IL5: variants seen among roughly 807,000 people sequenced by gnomAD.
IL5 encodes interleukin-5.
A neutral mutation model predicts 16.3 loss-of-function variants in IL5; 12 were observed. The ratio of observed to expected loss-of-function variants is 0.74; its 90% confidence interval spans 0.47 to 1.20. The LOEUF (loss-of-function observed/expected upper bound fraction) is 1.20. IL5 is among the 50% of genes most tolerant of loss of function. The pLI is 0.00. For synonymous variants in IL5, 54 were observed against 56.6 expected (o/e 0.95, Z 0.21); for missense variants, 159 against 153.9 (o/e 1.03, Z -0.17).
chr5:132,549,875 A>C (rs1016617971), intron 1 of IL5, among the ~76,000 whole-genome samples: 9 of 152,150 alleles, frequency 5.9e-5, no homozygotes, highest in African/African-American at 2.2e-4. Context: ...ATCTCCCTTT[A>C]ATATGATTTT....
At chr5:132,544,440 G>T (rs1219314572), upstream of IL5, among the ~76,000 whole-genome samples, 1 of 152,196 alleles carries the variant, frequency 6.6e-6, no homozygotes, top group East Asian at 1.9e-4. Flanking sequence ...GGTCCCAGTA[G>T]TAAGGGGGAC....
At chr5:132,546,403 G>C (rs1201883512), upstream of IL5, among the ~76,000 whole-genome samples, 1 of 152,016 alleles carries the variant, frequency 6.6e-6, no homozygotes, top group Non-Finnish European at 1.5e-5. Flanking sequence ...ACAGTACTTG[G>C]CTTTTTGTGA....
intron 1 of IL5, among the ~76,000 whole-genome samples, chr5:132,551,551 T>C (rs1749882964): frequency 7.2e-6 from 1 of 138,396 alleles, no homozygotes; most frequent in Non-Finnish European, 1.5e-5. Flanking sequence ...TGTGTGTGTG[T>C]GCGTGCATGC....
chr5:132,551,150 G>T (rs915160956), intron 1 of IL5, among the ~76,000 whole-genome samples: 3 of 152,118 alleles, frequency 2.0e-5, no homozygotes, highest in Admixed American at 6.5e-5. Flanking sequence ...TACAAAGCAG[G>T]AAAGGAGACA....
intron 1 of IL5, among the ~76,000 whole-genome samples, chr5:132,553,107 G>A (rs762589376): frequency 6.6e-6 from 1 of 152,074 alleles, no homozygotes; most frequent in Non-Finnish European, 1.5e-5. Flanking sequence ...ATTCCATTGG[G>A]GTGGTATGTA....
upstream of IL5, chr5:132,543,952 G>C (rs1311207857): frequency 6.6e-6 from 1 of 152,630 alleles, no homozygotes; most frequent in African/African-American, 2.4e-5. Flanking sequence ...AATACTGGTG[G>C]GAAGACAGTG....
chr5:132,544,785 G>A (rs1749757645), upstream of IL5, among the ~76,000 whole-genome samples: 1 of 152,200 alleles, frequency 6.6e-6, no homozygotes, highest in South Asian at 2.1e-4. Context: ...GGCCTGTCTT[G>A]AGCGTCAAGA....
At chr5:132,552,977 G>A (rs114068984) in intron 1 of IL5, among the ~76,000 whole-genome samples, 1,874 of 152,026 alleles carry the variant, frequency 0.012, 26 homozygotes, top group Non-Finnish European at 0.02. Flanking sequence ...CTCATGATCC[G>A]CCTGCCTCAG....
At chr5:132,552,153 C>A (rs1216563920) in intron 1 of IL5, among the ~76,000 whole-genome samples, 1 of 152,030 alleles carries the variant, frequency 6.6e-6, no homozygotes. Context: ...CCTGTAGTCC[C>A]AGCTACTCAG....
rs142865560 is a variant in IL5 at position 132,541,904 on chromosome 5, C to T, written c.312G>A (p.Lys104=). Residue 104 remains lysine (K), a synonymous_variant, in exon 4 of 4, where the codon AAG becomes AAA. Transcript: ENST00000231454. ...TTACTCTCCGTCTTTCTTCTCCACA[C>T]TTTTTCTGTGAAAAAAGAAAAATGA... The part of the protein sequence containing the change: ...IKKYIDGQKK[K]CGEERRRVNQ... 444 of 1,613,556 alleles carry T rather than the reference C, an allele frequency of 2.8e-4. 4 individuals carry two copies. In the African/African-American group the frequency reaches 5.6e-3, roughly 20 times the overall value.
intron 1 of IL5, among the ~76,000 whole-genome samples, chr5:132,553,292 A>T (rs1462622276): frequency 6.6e-6 from 1 of 152,094 alleles, no homozygotes; most frequent in African/African-American, 2.4e-5. Flanking sequence ...TAATCCTTGT[A>T]ATTCCTGTGA....
upstream of IL5, among the ~76,000 whole-genome samples, chr5:132,547,197 G>T (rs1172601789): frequency 1.3e-5 from 2 of 152,136 alleles, no homozygotes; most frequent in African/African-American, 4.8e-5. Flanking sequence ...TTAAAAAAGA[G>T]AACTGTATGG....
chr5:132,556,769 T>C (rs1749994254), exon 1 of IL5: 2 of 1,198,840 alleles, frequency 1.7e-6, no homozygotes, highest in African/African-American at 1.6e-5. Flanking sequence ...CAGGTCTTGG[T>C]CTCCCCTTCC....
upstream of IL5, among the ~76,000 whole-genome samples, chr5:132,544,276 T>C (rs1298236504): frequency 6.6e-6 from 1 of 152,210 alleles, no homozygotes; most frequent in African/African-American, 2.4e-5. Context: ...CTTTTCTGAT[T>C]GTTTAATCAA....
intron 1 of IL5, 95 bp downstream of exon 1, chr5:132,543,240 T>C: frequency 7.1e-7 from 1 of 1,410,298 alleles, no homozygotes; most frequent in South Asian, 1.2e-5. Flanking sequence ...CTCAGAATCT[T>C]ATTATTTATA....
chr5:132,546,442 A>G (rs78071110), upstream of IL5, among the ~76,000 whole-genome samples: 42 of 152,262 alleles, frequency 2.8e-4, no homozygotes, highest in East Asian at 3.7e-3. Context: ...CATAATGTCT[A>G]TTCTCAAGAT....
intron 1 of IL5, 25 bp from the exon 2 acceptor site, chr5:132,543,151 AT>A: frequency 6.3e-7 from 1 of 1,599,640 alleles, no homozygotes; most frequent in Non-Finnish European, 8.6e-7. Flanking sequence ...AAATACAATC[AT>A]TTTTACAGCA....
chr5:132,543,297 T>C (rs759343155), intron 1 of IL5, 38 bp downstream of exon 1: 4 of 1,566,668 alleles, frequency 2.6e-6, no homozygotes, highest in Non-Finnish European at 3.5e-6. Context: ...TGATTACCTA[T>C]GCACTTTACA....
At chr5:132,543,052 C>G in intron 2 of IL5, 42 bp downstream of exon 2, 1 of 1,396,012 alleles carries the variant, frequency 7.2e-7, no homozygotes, top group Non-Finnish European at 1.0e-6. Flanking sequence ...AGGAAATTTA[C>G]TTATTCATGC....
Sources: allele counts gnomAD v4.1 joint callset (sites outside exome capture counted in the v4.1 genomes callset), GRCh38; gene constraint gnomAD v4.1.1; transcripts MANE v1.5; gene names NCBI Gene and HGNC (gene_info 2026-07-23, HGNC 2026-07-21).